ADGRL2: variants seen among roughly 807,000 people sequenced by gnomAD.
ADGRL2 encodes the protein calcium-independent alpha-latrotoxin receptor 2.
A neutral mutation model predicts 157.4 loss-of-function variants in ADGRL2; 44 were observed. The ratio of observed to expected loss-of-function variants is 0.28; its 90% CI spans 0.22 to 0.36. The LOEUF (loss-of-function observed/expected upper bound fraction) is 0.36, where lower values mean the gene tolerates loss of function less well. ADGRL2 is among the 10% of genes least tolerant of loss of function. The pLI is 1.00. For synonymous variants in ADGRL2, 585 were observed against 624.7 expected, an observed-to-expected ratio of 0.94 and a Z score of 0.95; for missense variants, 1,510 against 1,768.9, an observed-to-expected ratio of 0.85 and a Z score of 2.63.
chr1:81,781,104 A>T (rs1439938024), intron 2 of ADGRL2, among the ~76,000 whole-genome samples: 1 of 152,086 alleles, frequency 6.6e-6, no homozygotes, highest in African/African-American at 2.4e-5. Context: ...TCTGTCTATG[A>T]GCTGCTTGAT....
intron 3 of ADGRL2, among the ~76,000 whole-genome samples, chr1:81,921,154 C>T (rs1572134497): frequency 1.3e-5 from 2 of 152,116 alleles, no homozygotes; most frequent in South Asian, 2.1e-4. Flanking sequence ...ATAAGAGCAG[C>T]GACAAGTTAT....
chr1:81,618,985 T>C (rs1311970628), intron 3 of ADGRL2, among the ~76,000 whole-genome samples: 1 of 152,216 alleles, frequency 6.6e-6, no homozygotes, highest in Non-Finnish European at 1.5e-5. Flanking sequence ...TCTTTTCTGT[T>C]AACTCTAAAA....
intron 1 of ADGRL2, among the ~76,000 whole-genome samples, chr1:81,377,451 A>G (rs572092752): frequency 1.1e-4 from 17 of 152,202 alleles, no homozygotes; most frequent in African/African-American, 4.1e-4. Flanking sequence ...TTAACTTTGG[A>G]CCTGTGTTGG....
At chr1:81,405,679 G>C (rs72713474) in intron 1 of ADGRL2, among the ~76,000 whole-genome samples, 20,287 of 149,226 alleles carry the variant, frequency 0.14, 1,422 homozygotes, top group African/African-American at 0.17. Flanking sequence ...TTCATATATT[G>C]AACAAAATAT....
At chr1:81,620,553 C>T (rs2081767936) in intron 3 of ADGRL2, among the ~76,000 whole-genome samples, 2 of 152,162 alleles carry the variant, frequency 1.3e-5, no homozygotes. Flanking sequence ...TCATCTAAAA[C>T]ATAGTTTTCT....
chr1:81,940,079 T>C (rs1403128190), intron 4 of ADGRL2, among the ~76,000 whole-genome samples: 1 of 151,528 alleles, frequency 6.6e-6, no homozygotes, highest in African/African-American at 2.4e-5. Context: ...CATTGTAATT[T>C]TAGTTTATCA....
intron 1 of ADGRL2, among the ~76,000 whole-genome samples, chr1:81,388,697 A>T (rs1037107059): frequency 6.6e-6 from 1 of 152,152 alleles, no homozygotes; most frequent in Non-Finnish European, 1.5e-5. Context: ...GGGCCCTCAC[A>T]TCGGATCTGC....
intron 3 of ADGRL2, among the ~76,000 whole-genome samples, chr1:81,687,885 C>T (rs962284359): frequency 1.6e-4 from 24 of 152,260 alleles, no homozygotes; most frequent in African/African-American, 5.5e-4. Context: ...ATTCTCTCAG[C>T]ATTTGTTTAT....
At chr1:81,906,112 T>G (rs1191795591) in intron 2 of ADGRL2, among the ~76,000 whole-genome samples, 4 of 152,128 alleles carry the variant, frequency 2.6e-5, no homozygotes, top group Non-Finnish European at 5.9e-5. Flanking sequence ...AGTGCACCTC[T>G]CCACATGCTA....
At chr1:81,745,278 A>G (rs2085208212) in intron 1 of ADGRL2, among the ~76,000 whole-genome samples, 1 of 152,220 alleles carries the variant, frequency 6.6e-6, no homozygotes, top group Non-Finnish European at 1.5e-5. Context: ...CTCTCTCTTG[A>G]TCTTTCTCTC....
intron 1 of ADGRL2, among the ~76,000 whole-genome samples, chr1:81,818,246 G>A (rs189072973): frequency 1.4e-3 from 208 of 152,162 alleles, no homozygotes; most frequent in Non-Finnish European, 2.2e-3. Context: ...TTCATATGTG[G>A]GTACAATCTC....
At chr1:81,345,559 A>C (rs1235994181) in intron 1 of ADGRL2, among the ~76,000 whole-genome samples, 1 of 152,220 alleles carries the variant, frequency 6.6e-6, no homozygotes, top group African/African-American at 2.4e-5. Flanking sequence ...TTATCCATTA[A>C]TATTAAAATA....
chr1:81,678,557 G>T (rs1403230072), intron 3 of ADGRL2, among the ~76,000 whole-genome samples: 1 of 152,226 alleles, frequency 6.6e-6, no homozygotes, highest in Non-Finnish European at 1.5e-5. Context: ...AGGTATTTTT[G>T]TTATTCCTGG....
intron 1 of ADGRL2, among the ~76,000 whole-genome samples, chr1:81,364,301 C>T (rs1021136857): frequency 3.3e-5 from 5 of 151,794 alleles, no homozygotes; most frequent in African/African-American, 1.2e-4. Context: ...TGACCAATTT[C>T]CTGTTCAAAG....
At chr1:81,607,869 G>A (rs1459586984) in intron 3 of ADGRL2, among the ~76,000 whole-genome samples, 1 of 152,108 alleles carries the variant, frequency 6.6e-6, no homozygotes, top group Non-Finnish European at 1.5e-5. Context: ...GCAGTATTCT[G>A]GAAAGGTGAT....
chr1:81,576,664 C>A (rs2080803904), intron 2 of ADGRL2, among the ~76,000 whole-genome samples: 1 of 152,078 alleles, frequency 6.6e-6, no homozygotes, highest in South Asian at 2.1e-4. Flanking sequence ...TCCATGGCAC[C>A]AGAGTAAGTG....
rs774165597 is a variant in ADGRL2, at chr1:81,968,033, A to G, written c.2357A>G (p.Asn786Ser). ...TGTCATTTTATTTCCCAGCCTGACA[A>G]TTATTTCAATGCAAACTGCTCCTTC... ...LFTLPHIDPD[N>S]YFNANCSFWN... is the part of the protein sequence containing the mutation. The change falls in exon 14 of 24, where the codon AAT (asparagine) becomes AGT (serine). Residue 786 changes from asparagine (N) to serine (S), a missense_variant. Transcript: ENST00000686636. 8 of 1,613,632 alleles carry G rather than the reference A, an allele frequency of 5.0e-6. No individual in the cohort carries two copies. Among genetic ancestry groups the G allele is most frequent in the Non-Finnish European group, 6.8e-6 (8 of 1,179,590 alleles).
chr1:81,476,101 C>G (rs145998649), intron 2 of ADGRL2, among the ~76,000 whole-genome samples: 3 of 151,036 alleles, frequency 2.0e-5, no homozygotes, highest in African/African-American at 7.3e-5. Context: ...GAAAAGCCTT[C>G]ACACTAGACA....
At chr1:81,511,905 C>T (rs1570336796) in intron 2 of ADGRL2, among the ~76,000 whole-genome samples, 1 of 151,886 alleles carries the variant, frequency 6.6e-6, no homozygotes, top group African/African-American at 2.4e-5. Context: ...TGTAAAAACA[C>T]CTTTTAAAAT....
Sources: allele counts gnomAD v4.1 joint callset (sites outside exome capture counted in the v4.1 genomes callset), GRCh38; gene constraint gnomAD v4.1.1; transcripts MANE v1.5; gene names NCBI Gene and HGNC (gene_info 2026-07-23, HGNC 2026-07-21).